PTPRD: variants seen among roughly 807,000 people sequenced by gnomAD.
PTPRD encodes the protein receptor-type tyrosine-protein phosphatase delta.
A neutral mutation model predicts 214.5 loss-of-function variants in PTPRD; 34 were observed. That is an observed-to-expected ratio of 0.16 (90% CI 0.12 to 0.21). The LOEUF (loss-of-function observed/expected upper bound fraction) is 0.21, where lower values mean the gene tolerates loss of function less well. Ranked by LOEUF, PTPRD falls within the 10% of genes least tolerant of loss-of-function variation. The pLI is 1.00. For synonymous variants in PTPRD, 1,128 were observed against 845.7 expected, an observed-to-expected ratio of 1.33 and a Z score of -5.79; for missense variants, 2,545 against 2,398.7, an observed-to-expected ratio of 1.06 and a Z score of -1.27.
chr9:9,936,520 A>C (rs891462924), intron 5 of PTPRD, among the ~76,000 whole-genome samples: 5 of 147,698 alleles, frequency 3.4e-5, no homozygotes, highest in Non-Finnish European at 7.4e-5. Context: ...CAAAACCACA[A>C]TGAGATACAA....
At chr9:8,897,254 T>C (rs969715339) in intron 11 of PTPRD, among the ~76,000 whole-genome samples, 2 of 152,166 alleles carry the variant, frequency 1.3e-5, no homozygotes, top group African/African-American at 4.8e-5. Flanking sequence ...TCAAGGTACA[T>C]GCAGACTGAC....
chr9:8,639,838 A>AT (rs779049229), intron 12 of PTPRD, among the ~76,000 whole-genome samples: 7 of 152,178 alleles, frequency 4.6e-5, no homozygotes, highest in Non-Finnish European at 1.0e-4. Context: ...GAGAGACAAA[A>AT]TTCCCATACA....
chr9:8,319,820 G>A lies in PTPRD; in HGVS notation c.5670+11C>T, dbSNP rs1042499203. 20 of 1,611,592 alleles carry A rather than the reference G, an allele frequency of 1.2e-5. No homozygotes were observed. The highest frequency in any genetic ancestry group is 5.4e-5 in the African/African-American group (4 of 74,686). On this transcript the variant is annotated intron_variant, in intron 45 of 45. Coordinates refer to ENST00000381196, the MANE Select transcript of PTPRD (RefSeq NM_002839.4). The stretch of plus-strand genomic sequence containing the variant: ...CTCTTGAGATGCGAAAAATGCAATG[G>A]ATTTTCTCACCTCTGTCTGTACCAT...
chr9:8,759,807 T>C (rs1218627670), intron 11 of PTPRD, among the ~76,000 whole-genome samples: 1 of 152,134 alleles, frequency 6.6e-6, no homozygotes, highest in Non-Finnish European at 1.5e-5. Context: ...TTGAGAAAAG[T>C]GGTTCTTCTC....
intron 7 of PTPRD, among the ~76,000 whole-genome samples, chr9:9,683,372 T>C (rs898532582): frequency 6.6e-6 from 1 of 151,696 alleles, no homozygotes; most frequent in Non-Finnish European, 1.5e-5. Context: ...CTGAACAGTA[T>C]GGTTTGTGGC....
At position 9,236,598 on chromosome 9, in the gene PTPRD, C is replaced by G. The variant is rs146395329; in HGVS notation, c.-202-53235G>C. Among the ~76,000 whole-genome samples the G allele has an allele frequency of 6.0e-3, 705 of 118,484 alleles. 49 individuals carry two copies. The highest frequency in any genetic ancestry group is 8.3e-3 in the South Asian group (28 of 3,368). The allele number at this position is 118,484 out of a possible 152,430, so 77.7% of individuals were successfully genotyped here. ...CCATTTCCTTAGTACATTCCTTTAGCTAAAGAATGAATTATTTGTTTGAAT... is the reference window on the plus strand; with the variant it reads ...CCATTTCCTTAGTACATTCCTTTAGGTAAAGAATGAATTATTTGTTTGAAT... On this transcript the variant is annotated intron_variant, in intron 9 of 45. Transcript: ENST00000381196.
At chr9:9,455,282 T>C (rs948801702) in intron 8 of PTPRD, among the ~76,000 whole-genome samples, 4 of 151,602 alleles carry the variant, frequency 2.6e-5, no homozygotes, top group Non-Finnish European at 4.4e-5. Context: ...GCCTCATTTT[T>C]TAAAATATTA....
intron 5 of PTPRD, among the ~76,000 whole-genome samples, chr9:9,840,042 T>C (rs1378818499): frequency 7.2e-5 from 11 of 152,152 alleles, no homozygotes; most frequent in East Asian, 1.9e-4. Flanking sequence ...ATTATTATTA[T>C]TTATTATTTT....
intron 6 of PTPRD, among the ~76,000 whole-genome samples, chr9:9,759,596 C>T: frequency 7.8e-6 from 1 of 127,758 alleles, no homozygotes. Flanking sequence ...CTCACTCTGT[C>T]ACCCAGGCTG....
At chr9:9,091,143 A>T (rs1173576537) in intron 10 of PTPRD, 8 of 1,520,272 alleles carry the variant, frequency 5.3e-6, no homozygotes, top group Non-Finnish European at 7.2e-6. Flanking sequence ...TTCACAGCAA[A>T]GTAGTCAGGA....
chr9:10,103,889 A>G (rs1201138490), intron 3 of PTPRD, among the ~76,000 whole-genome samples: 1 of 151,774 alleles, frequency 6.6e-6, no homozygotes, highest in Non-Finnish European at 1.5e-5. Flanking sequence ...ACAATAGCCA[A>G]GAAGTGGAAG....
chr9:8,723,696 G>C (rs1337135398), intron 12 of PTPRD, among the ~76,000 whole-genome samples: 1 of 152,142 alleles, frequency 6.6e-6, no homozygotes, highest in Admixed American at 6.5e-5. Context: ...GACTTTTAGT[G>C]ACAAACAATG....
intron 10 of PTPRD, among the ~76,000 whole-genome samples, chr9:9,123,414 C>CA (rs2099819505): frequency 6.6e-6 from 1 of 152,144 alleles, no homozygotes; most frequent in Admixed American, 6.5e-5. Context: ...CAATAAGTCG[C>CA]ATATTAACTA....
intron 44 of PTPRD, among the ~76,000 whole-genome samples, chr9:8,331,229 C>T (rs1840495755): frequency 6.7e-6 from 1 of 149,750 alleles, no homozygotes; most frequent in South Asian, 2.1e-4. Flanking sequence ...AGAAGAAAGA[C>T]AGTTATCAGT....
chr9:8,951,025 G>A (rs1333691731), intron 11 of PTPRD, among the ~76,000 whole-genome samples: 1 of 151,984 alleles, frequency 6.6e-6, no homozygotes, highest in Non-Finnish European at 1.5e-5. Context: ...TTAAAGATAT[G>A]TTTTTGGAAT....
chr9:8,574,804 C>G (rs116773534), intron 14 of PTPRD, among the ~76,000 whole-genome samples: 1,787 of 152,070 alleles, frequency 0.012, 33 homozygotes, highest in African/African-American at 0.041. Context: ...ATTTAAACAA[C>G]TCACTGCTGA....
chr9:9,968,200 G>A (rs528470870), intron 4 of PTPRD, among the ~76,000 whole-genome samples: 1 of 152,270 alleles, frequency 6.6e-6, no homozygotes, highest in South Asian at 2.1e-4. Context: ...ATAACCACAT[G>A]CAGTGTGCTA....
chr9:9,347,586 G>A (rs1358696779), intron 9 of PTPRD, among the ~76,000 whole-genome samples: 2 of 151,944 alleles, frequency 1.3e-5, no homozygotes, highest in Admixed American at 6.6e-5. Flanking sequence ...ACACAGAGTG[G>A]CAAGGGAAAA....
At chr9:8,499,563 A>T in intron 25 of PTPRD, 84 bp downstream of exon 25, 1 of 1,449,710 alleles carries the variant, frequency 6.9e-7, no homozygotes, top group Non-Finnish European at 9.3e-7. Context: ...AAATGTCGAA[A>T]AACTAAAATA....
Sources: allele counts gnomAD v4.1 joint callset (sites outside exome capture counted in the v4.1 genomes callset), GRCh38; gene constraint gnomAD v4.1.1; transcripts MANE v1.5; gene names NCBI Gene and HGNC (gene_info 2026-07-23, HGNC 2026-07-21).